Variants in CTNNA3 observed in about 807,000 individuals in gnomAD.
CTNNA3 encodes the protein catenin alpha-3.
In CTNNA3, 76 loss-of-function variants were observed where a neutral mutation model predicts 95.7. The observed-to-expected ratio is 0.79, with a 90% CI of 0.66 to 0.96. The LOEUF is 0.96. Among genes scored for constraint, CTNNA3 ranks in the 40% least tolerant of loss-of-function variants. The pLI is 0.00. For missense variants in CTNNA3, 1,191 were observed against 1,089.8 expected, an observed-to-expected ratio of 1.09 and a Z score of -1.31; for synonymous variants, 431 against 374.4, an observed-to-expected ratio of 1.15 and a Z score of -1.74.
chr10:67,745,768 T>C (rs1564845374), intron 1 of CTNNA3, among the ~76,000 whole-genome samples: 1 of 152,118 alleles, frequency 6.6e-6, no homozygotes, highest in Non-Finnish European at 1.5e-5. Context: ...AGTAACTTTA[T>C]ATATGTCAAA....
At chr10:67,561,875 A>C (rs539326075) in intron 3 of CTNNA3, among the ~76,000 whole-genome samples, 18 of 152,222 alleles carry the variant, frequency 1.2e-4, no homozygotes, top group Non-Finnish European at 2.4e-4. Flanking sequence ...ACACAAATAA[A>C]CTAGAAAATC....
chr10:66,152,142 A>G (rs2084235108), intron 13 of CTNNA3, among the ~76,000 whole-genome samples: 1 of 151,986 alleles, frequency 6.6e-6, no homozygotes, highest in African/African-American at 2.4e-5. Flanking sequence ...AAAAATAAGT[A>G]CCATTCAAAA....
chr10:67,185,270 G>A (rs10997556), intron 6 of CTNNA3, among the ~76,000 whole-genome samples: 19,745 of 151,898 alleles, frequency 0.13, 1,619 homozygotes, highest in African/African-American at 0.24. Flanking sequence ...TGGGACTACA[G>A]GTACACGTCA....
At chr10:67,075,620 C>A (rs907833893) in intron 7 of CTNNA3, among the ~76,000 whole-genome samples, 2 of 152,138 alleles carry the variant, frequency 1.3e-5, no homozygotes, top group African/African-American at 2.4e-5. Context: ...TCAGATGGGC[C>A]CAACCTACCA....
chr10:67,165,377 G>C (rs1861722113), intron 7 of CTNNA3, among the ~76,000 whole-genome samples: 1 of 152,122 alleles, frequency 6.6e-6, no homozygotes, highest in African/African-American at 2.4e-5. Context: ...TAGGGGTAGG[G>C]AGGGGCAGGT....
In CTNNA3 at chr10:65,912,666, T is replaced by C. The variant is rs1589122648; in HGVS notation, c.*7664A>G. On this transcript the variant is annotated 3_prime_UTR_variant, in exon 18 of 18. Transcript: ENST00000433211. ...TATATAACCAAAACAAACCCAGTGT[T>C]ACATATGTGAAATAATGCAATTAAG... 1 of 152,134 alleles carries C rather than the reference T, an allele frequency of 6.6e-6. No individual in the cohort carries two copies. Among genetic ancestry groups the C allele is most frequent in the East Asian group, 1.9e-4 (1 of 5,190 alleles). 9.4% of individuals were successfully genotyped at this position (152,134 alleles called of 1,614,324 possible).
Position 66,520,559 on chromosome 10 carries a change from A to G in CTNNA3, c.1531+58T>C. 1.3e-6 allele frequency: 2 copies of G among 1,495,472 alleles called. 1 individual carries two copies. Among genetic ancestry groups the G allele is most frequent in the East Asian group, 4.9e-5 (2 of 40,618 alleles). 92.6% of individuals were successfully genotyped at this position (1,495,472 alleles called of 1,614,324 possible). A position where few individuals can be genotyped will look rare whatever the true frequency, so the allele number is the denominator to read the frequency against. ...GAGCCACCATGCCTGTCCCAGTATT[A>G]TTCTATTTTATAAAATTGACAAGAG... On this transcript the variant is annotated intron_variant, in intron 11 of 17. Coordinates refer to ENST00000433211, the MANE Select transcript of CTNNA3 (RefSeq NM_013266.4).
At chr10:65,922,338 A>G (rs952415622) in intron 17 of CTNNA3, among the ~76,000 whole-genome samples, 2 of 152,160 alleles carry the variant, frequency 1.3e-5, no homozygotes, top group Admixed American at 6.6e-5. Flanking sequence ...TTATTTGCCA[A>G]TGCATTTTGT....
intron 7 of CTNNA3, among the ~76,000 whole-genome samples, chr10:67,127,695 G>C (rs1386674045): frequency 6.6e-6 from 1 of 152,096 alleles, no homozygotes; most frequent in Non-Finnish European, 1.5e-5. Context: ...ATCTGTACCA[G>C]GTACAGTCAA....
At chr10:67,747,107 G>A (rs1273420710) in intron 1 of CTNNA3, among the ~76,000 whole-genome samples, 1 of 152,206 alleles carries the variant, frequency 6.6e-6, no homozygotes, top group African/African-American at 2.4e-5. Context: ...CTAGCCAGGG[G>A]CTTAGAGACA....
intron 1 of CTNNA3, among the ~76,000 whole-genome samples, chr10:67,678,130 C>G (rs1840566276): frequency 6.6e-6 from 1 of 151,660 alleles, no homozygotes; most frequent in Non-Finnish European, 1.5e-5. Flanking sequence ...CAGAAAAAAA[C>G]AAAATTTAAA....
intron 7 of CTNNA3, among the ~76,000 whole-genome samples, chr10:67,067,334 T>A (rs889646677): frequency 1.3e-5 from 2 of 152,186 alleles, no homozygotes; most frequent in Non-Finnish European, 2.9e-5. Context: ...TATTGAGCAA[T>A]AAACCATATA....
chr10:67,575,960 T>C (rs990086064), intron 3 of CTNNA3, among the ~76,000 whole-genome samples: 1 of 152,176 alleles, frequency 6.6e-6, no homozygotes, highest in Non-Finnish European at 1.5e-5. Flanking sequence ...GTCAAGGGAA[T>C]GGTCTGAGCA....
At chr10:66,174,006 T>C (rs1438208525) in intron 13 of CTNNA3, among the ~76,000 whole-genome samples, 5 of 152,128 alleles carry the variant, frequency 3.3e-5, no homozygotes. Context: ...CTCAAAAAAA[T>C]AGCCTCTTTC....
At chr10:66,356,871 G>T (rs1478514040) in intron 12 of CTNNA3, among the ~76,000 whole-genome samples, 1 of 151,890 alleles carries the variant, frequency 6.6e-6, no homozygotes, top group East Asian at 1.9e-4. Flanking sequence ...ATAATCATTT[G>T]ATTTTTCCTT....
chr10:66,616,453 A>C (rs1844517427), intron 10 of CTNNA3, among the ~76,000 whole-genome samples: 2 of 152,190 alleles, frequency 1.3e-5, no homozygotes, highest in Admixed American at 1.3e-4. Flanking sequence ...TAAAGATATA[A>C]TGAGAGTGAT....
intron 7 of CTNNA3, among the ~76,000 whole-genome samples, chr10:66,879,162 T>G (rs1164995432): frequency 1.3e-5 from 2 of 152,112 alleles, no homozygotes; most frequent in East Asian, 3.9e-4. Flanking sequence ...CTCCAAAGGC[T>G]TGTGCTGTTA....
chr10:66,825,172 T>C (rs1842456685), intron 7 of CTNNA3, among the ~76,000 whole-genome samples: 1 of 149,350 alleles, frequency 6.7e-6, no homozygotes, highest in Non-Finnish European at 1.5e-5. Flanking sequence ...ACATATAGTG[T>C]AAAATAGCAT....
chr10:67,657,173 G>C (rs573984563), intron 1 of CTNNA3, among the ~76,000 whole-genome samples: 2 of 152,234 alleles, frequency 1.3e-5, no homozygotes, highest in African/African-American at 4.8e-5. Context: ...TTTTCGATCT[G>C]GAGCAACTGG....
Sources: gnomAD v4.1 joint callset for allele counts (sites outside exome capture counted in the v4.1 genomes callset) on GRCh38, gnomAD v4.1.1 for gene constraint, MANE v1.5 for transcripts, NCBI Gene and HGNC (gene_info 2026-07-23, HGNC 2026-07-21) for gene names.